The following BATF variants were observed in gnomAD, a reference collection of about 807,000 sequenced individuals.
BATF encodes basic leucine zipper ATF-like transcription factor.
A neutral mutation model predicts 13.7 loss-of-function variants in BATF; 5 were observed. That is an observed-to-expected ratio of 0.36 (90% CI 0.19 to 0.77). The LOEUF is 0.77. Ranked by LOEUF, BATF falls within the 30% of genes least tolerant of loss-of-function variation. The pLI is 0.51. For synonymous variants in BATF, 72 were observed against 67.5 expected (o/e 1.07, Z -0.33); for missense variants, 124 against 163.0 (o/e 0.76, Z 1.30).
At chr14:75,533,984 AGCAG>A in intron 2 of BATF, among the ~76,000 whole-genome samples, 1 of 152,334 alleles carries the variant, frequency 6.6e-6, no homozygotes, top group Middle Eastern at 3.4e-3. Flanking sequence ...TGGGCCAAGA[AGCAG>A]GCCATTAACC....
chr14:75,522,822 G>GC, intron 1 of BATF, 77 bp downstream of exon 1: 1 of 1,575,776 alleles, frequency 6.3e-7, no homozygotes, highest in Admixed American at 1.7e-5. Context: ...TCCTTGTCCT[G>GC]CCCAGGGAGC....
intron 2 of BATF, among the ~76,000 whole-genome samples, chr14:75,528,880 A>C (rs750482979): frequency 4.6e-5 from 7 of 152,240 alleles, no homozygotes; most frequent in Admixed American, 1.3e-4. Context: ...ATGGAAGGAA[A>C]GATCCTGTTT....
chr14:75,530,644 T>C (rs1030151754), intron 2 of BATF, among the ~76,000 whole-genome samples: 33 of 152,218 alleles, frequency 2.2e-4, no homozygotes, highest in African/African-American at 8.0e-4. Context: ...TTTGCTACCA[T>C]TAGTTTTTTA....
intron 2 of BATF, among the ~76,000 whole-genome samples, chr14:75,535,579 T>TGGA (rs1887805318): frequency 6.6e-6 from 1 of 152,162 alleles, no homozygotes; most frequent in Admixed American, 6.5e-5. Flanking sequence ...GAAGGAACTC[T>TGGA]GGAGGACATC....
At chr14:75,539,845 C>T (rs1887870296) in intron 2 of BATF, among the ~76,000 whole-genome samples, 1 of 152,092 alleles carries the variant, frequency 6.6e-6, no homozygotes, top group Non-Finnish European at 1.5e-5. Context: ...GGCCTAGATC[C>T]TCCCGCTGCT....
chr14:75,524,112 G>A (rs558193585), intron 1 of BATF, among the ~76,000 whole-genome samples: 8 of 152,174 alleles, frequency 5.3e-5, no homozygotes, highest in African/African-American at 1.4e-4. Flanking sequence ...TGTGGGAGAC[G>A]TGGAAGGGAA....
intron 2 of BATF, among the ~76,000 whole-genome samples, chr14:75,532,721 T>A (rs1052116559): frequency 2.6e-5 from 4 of 152,072 alleles, no homozygotes; most frequent in Non-Finnish European, 1.5e-5. Flanking sequence ...AATAAAAAAA[T>A]TTATGCTGGT....
intron 2 of BATF, among the ~76,000 whole-genome samples, chr14:75,544,002 C>T (rs1354783691): frequency 6.6e-6 from 1 of 152,086 alleles, no homozygotes; most frequent in African/African-American, 2.4e-5. Context: ...TTTTGAGTTA[C>T]CTTCTTCATT....
At chr14:75,533,456 T>C (rs1307234744) in intron 2 of BATF, among the ~76,000 whole-genome samples, 2 of 150,450 alleles carry the variant, frequency 1.3e-5, no homozygotes, top group Non-Finnish European at 1.5e-5. Flanking sequence ...AGAATGACTG[T>C]CTGTCTACAT....
At chr14:75,538,126 C>T (rs1387783007) in intron 2 of BATF, among the ~76,000 whole-genome samples, 1 of 152,074 alleles carries the variant, frequency 6.6e-6, no homozygotes, top group East Asian at 1.9e-4. Context: ...GCCTGGTTAA[C>T]TTTTAAATTT....
At chr14:75,527,737 T>C (rs1887674357) in intron 2 of BATF, among the ~76,000 whole-genome samples, 1 of 152,200 alleles carries the variant, frequency 6.6e-6, no homozygotes, top group Non-Finnish European at 1.5e-5. Context: ...AACATATCCA[T>C]AGCCACACCC....
intron 2 of BATF, among the ~76,000 whole-genome samples, chr14:75,539,862 G>A (rs1053589079): frequency 6.6e-6 from 1 of 152,140 alleles, no homozygotes; most frequent in African/African-American, 2.4e-5. Flanking sequence ...TGCTTGGGAA[G>A]AGTCGTACTT....
intron 2 of BATF, among the ~76,000 whole-genome samples, chr14:75,543,863 G>A (rs1402847142): frequency 6.6e-6 from 1 of 151,832 alleles, no homozygotes; most frequent in Non-Finnish European, 1.5e-5. Flanking sequence ...AAAACTGCTG[G>A]GCTCAAGCGA....
intron 2 of BATF, among the ~76,000 whole-genome samples, chr14:75,545,616 G>A (rs1292809768): frequency 1.3e-5 from 2 of 151,998 alleles, no homozygotes; most frequent in East Asian, 1.9e-4. Flanking sequence ...TTTGTAAGAC[G>A]AAATGCAGAC....
In BATF at chr14:75,528,832, A is replaced by G. The variant is rs1887689807; in HGVS notation, c.168+3644A>G. 3.9e-5 allele frequency among the ~76,000 whole-genome samples: 6 copies of G among 152,258 alleles called. No homozygotes were observed. The South Asian group carries it at 1.2e-3, about 31-fold the overall frequency. ...TCTAAAATTAAAACAAAATGTAATA[A>G]CGTTCCTATATGCAAAACATAACCA... is the stretch of plus-strand genomic sequence containing the variant. On this transcript the variant is annotated intron_variant, in intron 2 of 2. Coordinates refer to ENST00000286639, the MANE Select transcript of BATF (RefSeq NM_006399.5).
chr14:75,525,251 A>T, intron 2 of BATF, 63 bp downstream of exon 2: 1 of 1,499,826 alleles, frequency 6.7e-7, no homozygotes, highest in Non-Finnish European at 9.1e-7. Flanking sequence ...CCATCTGGGA[A>T]CCCTTGGACC....
chr14:75,529,955 T>C (rs1162346105), intron 2 of BATF, among the ~76,000 whole-genome samples: 2 of 151,352 alleles, frequency 1.3e-5, no homozygotes, highest in African/African-American at 4.9e-5. Flanking sequence ...TCCCAGCTAC[T>C]TGAGAGGCTG....
intron 2 of BATF, among the ~76,000 whole-genome samples, chr14:75,541,413 T>C (rs1337355037): frequency 6.6e-6 from 1 of 152,208 alleles, no homozygotes; most frequent in Non-Finnish European, 1.5e-5. Context: ...GAGCTCACCG[T>C]GGTCATGAGT....
intron 2 of BATF, 134 bp from the exon 3 acceptor site, chr14:75,546,328 A>G (rs973867173): frequency 3.6e-5 from 31 of 863,968 alleles, no homozygotes; most frequent in Non-Finnish European, 5.6e-5. Context: ...CACGTGCAGG[A>G]AAATTCTCTG....
Sources: gnomAD v4.1 joint callset for allele counts (sites outside exome capture counted in the v4.1 genomes callset) on GRCh38, gnomAD v4.1.1 for gene constraint, MANE v1.5 for transcripts, NCBI Gene and HGNC (gene_info 2026-07-23, HGNC 2026-07-21) for gene names.